Variants in RNF125 observed in about 807,000 individuals in gnomAD.
The protein encoded by RNF125 is E3 ubiquitin-protein ligase RNF125.
Under a neutral mutation model 26.0 loss-of-function variants are expected in RNF125, and 21 were observed. The ratio of observed to expected loss-of-function variants is 0.81; its 90% CI spans 0.57 to 1.16. RNF125 has a LOEUF of 1.16. RNF125 is among the 50% of genes most tolerant of loss of function. The probability of loss-of-function intolerance (pLI) is 0.00; values close to 1 mark genes in which losing one functional copy is unlikely to be tolerated. For missense variants in RNF125, 270 were observed against 299.4 expected (o/e 0.90, Z 0.72); for synonymous variants, 95 against 109.2 (o/e 0.87, Z 0.81).
At chr18:32,078,372 A>G in the RNF125 span, among the ~76,000 whole-genome samples, 1 of 152,066 alleles carries the variant, frequency 6.6e-6, no homozygotes, top group Admixed American at 6.6e-5. Context: ...AATAAAGTCT[A>G]ATAACGGTTA....
intron 4 of RNF125, among the ~76,000 whole-genome samples, chr18:32,054,282 G>A (rs1260126983): frequency 1.3e-5 from 2 of 151,854 alleles, no homozygotes; most frequent in East Asian, 1.9e-4. Context: ...TAGTAGAAAC[G>A]TGGTTTCACC....
chr18:32,036,229 C>G (rs760979364), intron 1 of RNF125, among the ~76,000 whole-genome samples: 75 of 150,808 alleles, frequency 5.0e-4, no homozygotes, highest in Admixed American at 1.6e-3. Flanking sequence ...GTTATAGGTA[C>G]TGGTTATATG....
rs1428810589 is a variant in RNF125, at chr18:32,018,999, C to T, written c.136C>T (p.Gln46Ter). 2.5e-6 allele frequency: 4 copies of T among 1,613,400 alleles called. No homozygotes were observed. The highest frequency in any genetic ancestry group is 2.2e-5 in the South Asian group (2 of 90,998). ...CGCCGTGTGCCTTGAGGTGTTACAC[C>T]AGCCTGTCCGGACCCGCTGTGGCCA... ...DCAVCLEVLH[Q>*]PVRTRCGHVF... is the part of the protein sequence containing the mutation. Residue 46 changes from glutamine to a stop codon, truncating the protein, a stop_gained, in exon 1 of 6, where the codon CAG becomes TAG. Coordinates refer to ENST00000217740, the MANE Select transcript of RNF125 (RefSeq NM_017831.4). LOFTEE classifies it high-confidence loss of function.
In RNF125 at chr18:32,047,939, A is replaced by T. The variant is rs59533771; in HGVS notation, c.504+2207A>T. On this transcript the variant is annotated intron_variant, in intron 4 of 5. Coordinates refer to ENST00000217740, the MANE Select transcript of RNF125 (RefSeq NM_017831.4). ...CAAGAGTTCGAGACCAGCCTGGCCA[A>T]CACGGTGAAACCCCGTCTCTACTAC... 8.2e-3 allele frequency among the ~76,000 whole-genome samples: 1,244 copies of T among 152,302 alleles called. 16 individuals carry two copies. Among genetic ancestry groups the T allele is most frequent in the African/African-American group, 0.029 (1,189 of 41,550 alleles).
the RNF125 span, among the ~76,000 whole-genome samples, chr18:32,085,409 GA>G: frequency 2.9e-4 from 43 of 146,436 alleles, no homozygotes; most frequent in African/African-American, 1.0e-3. Context: ...GAGAGAGAGA[GA>G]GAGAGAAAGC....
At chr18:32,046,332 C>T (rs2039271267) in intron 4 of RNF125, among the ~76,000 whole-genome samples, 1 of 151,638 alleles carries the variant, frequency 6.6e-6, no homozygotes, top group South Asian at 2.1e-4. Flanking sequence ...CGTGGTGGCT[C>T]ACACCTGTAA....
At position 32,038,425 on chromosome 18, in the gene RNF125, A is replaced by T. The variant is rs574200596; in HGVS notation, c.318+1156A>T. ...CCATCACCCGTAATTTGTCAAACAAATGCTTTCATTGACCACCTCCATTTT... is the reference window on the plus strand; with the variant it reads ...CCATCACCCGTAATTTGTCAAACAATTGCTTTCATTGACCACCTCCATTTT... On this transcript the variant is annotated intron_variant, in intron 2 of 5. Transcript: ENST00000217740. Among the ~76,000 whole-genome samples, 7 of 152,304 alleles carry T rather than the reference A, an allele frequency of 4.6e-5. No homozygotes were observed. The East Asian group carries it at 9.6e-4, about 21-fold the overall frequency.
chr18:32,057,524 G>A (rs900469908), intron 4 of RNF125, among the ~76,000 whole-genome samples: 4 of 151,768 alleles, frequency 2.6e-5, no homozygotes, highest in African/African-American at 7.3e-5. Flanking sequence ...TAGTAGAGAC[G>A]GAGTTTCTCC....
intron 4 of RNF125, among the ~76,000 whole-genome samples, chr18:32,056,825 T>G (rs2039389876): frequency 6.6e-6 from 1 of 152,144 alleles, no homozygotes. Flanking sequence ...CAACAATGAT[T>G]TTTTTACACA....
At chr18:32,025,329 T>G (rs1008500897) in intron 1 of RNF125, among the ~76,000 whole-genome samples, 1 of 151,300 alleles carries the variant, frequency 6.6e-6, no homozygotes, top group African/African-American at 2.4e-5. Context: ...CATGAGAGGA[T>G]GGACCCTGCC....
chr18:32,038,198 G>A (rs1178873126), intron 2 of RNF125, among the ~76,000 whole-genome samples: 1 of 151,942 alleles, frequency 6.6e-6, no homozygotes, highest in Non-Finnish European at 1.5e-5. Flanking sequence ...ACAGGCATGT[G>A]CCACAATGTC....
intron 1 of RNF125, among the ~76,000 whole-genome samples, chr18:32,036,100 G>A (rs1347183343): frequency 6.7e-6 from 1 of 150,092 alleles, no homozygotes; most frequent in East Asian, 2.0e-4. Context: ...GCTGCAGTGA[G>A]CTGAGATCGT....
rs34510070 is a variant in RNF125, at chr18:32,064,559, T to TCA, written c.505-1329_505-1328dup. On this transcript the variant is annotated intron_variant, in intron 4 of 5. Coordinates refer to ENST00000217740, the MANE Select transcript of RNF125 (RefSeq NM_017831.4). ...GGTGGGGACAAGTTTCCAAACTATA[T>TCA]CACACACACACACACTGAAAAATAT... Among the ~76,000 whole-genome samples, 92 of 150,416 alleles carry TCA rather than the reference T, an allele frequency of 6.1e-4. 1 individual carries two copies. Among genetic ancestry groups the TCA allele is most frequent in the African/African-American group, 1.5e-3 (63 of 41,128 alleles).
chr18:32,030,406 T>TAA (rs2039081546), intron 1 of RNF125, among the ~76,000 whole-genome samples: 1 of 152,182 alleles, frequency 6.6e-6, no homozygotes, highest in Non-Finnish European at 1.5e-5. Flanking sequence ...TACTTTCAGG[T>TAA]AAATGGATTG....
At position 32,040,433 on chromosome 18, in the gene RNF125, G is replaced by A. The variant is rs371410403; in HGVS notation, c.319-1746G>A. On this transcript the variant is annotated intron_variant, in intron 2 of 5. Transcript: ENST00000217740. ...ACTATAGGTGCACACCACCACACCC[G>A]GCTAATTTTTGTATCTTTAGTAGAG... Among the ~76,000 whole-genome samples, 55 of 151,778 alleles carry A rather than the reference G, an allele frequency of 3.6e-4. No individual in the cohort carries two copies. In the South Asian group the frequency reaches 0.01, roughly 29 times the overall value.
At chr18:32,032,749 C>T (rs1471190819) in intron 1 of RNF125, among the ~76,000 whole-genome samples, 1 of 152,010 alleles carries the variant, frequency 6.6e-6, no homozygotes. Flanking sequence ...ATCCCAACTA[C>T]TTGGGAGGCT....
At chr18:32,037,984 C>G (rs1239005744) in intron 2 of RNF125, among the ~76,000 whole-genome samples, 2 of 151,186 alleles carry the variant, frequency 1.3e-5, no homozygotes, top group Admixed American at 1.3e-4. Flanking sequence ...GTTGTGGGAG[C>G]TTTGTCCTTT....
chr18:32,037,728 A>C (rs1157606735), intron 2 of RNF125, among the ~76,000 whole-genome samples: 1 of 152,080 alleles, frequency 6.6e-6, no homozygotes, highest in Non-Finnish European at 1.5e-5. Flanking sequence ...AAACACACCA[A>C]TTAGCGCTCT....
chr18:32,090,591 A>G, the RNF125 span, among the ~76,000 whole-genome samples: 1 of 152,226 alleles, frequency 6.6e-6, no homozygotes, highest in Non-Finnish European at 1.5e-5. Flanking sequence ...TTAACTCTAT[A>G]TATTTCTAAT....
Sources: gnomAD v4.1 joint callset for allele counts (sites outside exome capture counted in the v4.1 genomes callset) on GRCh38, gnomAD v4.1.1 for gene constraint, MANE v1.5 for transcripts, NCBI Gene and HGNC (gene_info 2026-07-23, HGNC 2026-07-21) for gene names.